Variants in CAT observed in about 807,000 individuals in gnomAD.
The protein encoded by CAT is catalase.
A neutral mutation model predicts 59.0 loss-of-function variants in CAT; 43 were observed. The observed-to-expected ratio is 0.73, with a 90% CI of 0.57 to 0.94. The LOEUF (loss-of-function observed/expected upper bound fraction) is 0.94. Among genes scored for constraint, CAT ranks in the 40% least tolerant of loss-of-function variants. CAT has a pLI of 0.00. For synonymous variants in CAT, 218 were observed against 230.9 expected (o/e 0.94, Z 0.51); for missense variants, 664 against 682.9 (o/e 0.97, Z 0.31).
chr11:34,452,450 C>T (rs945180267), intron 4 of CAT, among the ~76,000 whole-genome samples: 6 of 152,024 alleles, frequency 3.9e-5, no homozygotes, highest in Admixed American at 3.3e-4. Context: ...GTTTTCCTTG[C>T]AGAGCATCGA....
intron 11 of CAT, among the ~76,000 whole-genome samples, chr11:34,469,650 C>T (rs1856753898): frequency 6.6e-6 from 1 of 151,564 alleles, no homozygotes; most frequent in South Asian, 2.1e-4. Context: ...CTCACAGCAT[C>T]CTGTGAGGTA....
intron 1 of CAT, among the ~76,000 whole-genome samples, chr11:34,441,019 T>C (rs1320926712): frequency 2.0e-5 from 3 of 152,182 alleles, no homozygotes; most frequent in Non-Finnish European, 4.4e-5. Flanking sequence ...TTAATTGAAA[T>C]ACAGCCATCC....
At chr11:34,462,893 A>G (rs1301998220) in intron 9 of CAT, among the ~76,000 whole-genome samples, 1 of 152,228 alleles carries the variant, frequency 6.6e-6, no homozygotes, top group Non-Finnish European at 1.5e-5. Flanking sequence ...TTCTTAATGA[A>G]GAAAACACTG....
At chr11:34,456,521 C>T in intron 7 of CAT, 144 bp from the exon 8 acceptor site, 1 of 807,030 alleles carries the variant, frequency 1.2e-6, no homozygotes, top group Non-Finnish European at 2.1e-6. Context: ...TTAACTAAGG[C>T]ACTCATCTTA....
At chr11:34,454,031 A>T in intron 6 of CAT, 105 bp downstream of exon 6, 1 of 1,220,222 alleles carries the variant, frequency 8.2e-7, no homozygotes, top group Non-Finnish European at 1.2e-6. Flanking sequence ...CTTTTCCCTC[A>T]CCTCCATCCC....
At chr11:34,453,710 G>T in intron 5 of CAT, 91 bp from the exon 6 acceptor site, 1 of 1,217,594 alleles carries the variant, frequency 8.2e-7, no homozygotes. Flanking sequence ...ATGTCATTAA[G>T]GGACTTTCTG....
chr11:34,439,086 T>G lies in CAT; in HGVS notation c.66+7T>G. On this transcript the variant is annotated splice_region_variant and intron_variant, in intron 1 of 12. Coordinates refer to ENST00000241052, the MANE Select transcript of CAT (RefSeq NM_001752.4). ...GGAGCAGCGGGCCGCGCAGGTACAC[T>G]CTGTGCTCCCCGAGCGGGCCCGAAG... 1 of 1,582,876 alleles carries G rather than the reference T, an allele frequency of 6.3e-7. No homozygotes were observed. The highest frequency in any genetic ancestry group is 8.6e-7 in the Non-Finnish European group (1 of 1,164,422).
chr11:34,461,974 A>G (rs552946438), intron 9 of CAT, among the ~76,000 whole-genome samples: 1 of 152,370 alleles, frequency 6.6e-6, no homozygotes, highest in South Asian at 2.1e-4. Flanking sequence ...GAATAAAGTT[A>G]GGTGAATCAA....
At chr11:34,462,448 CAG>C (rs1856662375) in intron 9 of CAT, among the ~76,000 whole-genome samples, 1 of 152,232 alleles carries the variant, frequency 6.6e-6, no homozygotes, top group East Asian at 1.9e-4. Flanking sequence ...ATTTTTTAGA[CAG>C]AGTCTCACTC....
At chr11:34,452,606 C>T (rs567495815) in intron 4 of CAT, among the ~76,000 whole-genome samples, 204 of 152,152 alleles carry the variant, frequency 1.3e-3, no homozygotes, top group Non-Finnish European at 2.5e-3. Flanking sequence ...TAAATCCCAG[C>T]ACTTTGGGAG....
At position 34,467,119 on chromosome 11, in the gene CAT, T is replaced by C. The variant is rs375162361; in HGVS notation, c.1327-1169T>C. ...TTGGAAAGAGGCTTTAAAATAAACA[T>C]ACATATTTAAAGAGATGCAAAAAAG... On this transcript the variant is annotated intron_variant, in intron 10 of 12. Coordinates refer to ENST00000241052, the MANE Select transcript of CAT (RefSeq NM_001752.4). 2.0e-5 allele frequency among the ~76,000 whole-genome samples: 3 copies of C among 152,216 alleles called. No individual in the cohort carries two copies. The South Asian group carries it at 6.2e-4, about 32-fold the overall frequency.
intron 1 of CAT, among the ~76,000 whole-genome samples, chr11:34,445,327 T>G (rs937019595): frequency 5.3e-5 from 8 of 151,426 alleles, no homozygotes; most frequent in African/African-American, 1.9e-4. Context: ...ACCCTGTCTT[T>G]ACTAAAAATA....
chr11:34,461,480 C>A (rs1336134719), intron 9 of CAT, 91 bp downstream of exon 9: 10 of 1,445,476 alleles, frequency 6.9e-6, no homozygotes, highest in African/African-American at 1.4e-5. Flanking sequence ...CTCAAGCTGG[C>A]CCCGCAGGAC....
At position 34,471,561 on chromosome 11, in the gene CAT, C is replaced by G; in HGVS notation, c.*128C>G. On this transcript the variant is annotated 3_prime_UTR_variant, in exon 13 of 13. Transcript: ENST00000241052. ...AGTGGCTTCAAAATAGAGAATCCCACTTTCTATAGCAGATTGTGTAACAAT... is the reference window on the plus strand; with the variant it reads ...AGTGGCTTCAAAATAGAGAATCCCAGTTTCTATAGCAGATTGTGTAACAAT... 2 of 761,726 alleles carry G rather than the reference C, an allele frequency of 2.6e-6. No individual in the cohort carries two copies. The highest frequency in any genetic ancestry group is 2.8e-5 in the South Asian group (2 of 71,256). 47.2% of individuals were successfully genotyped at this position (761,726 alleles called of 1,614,324 possible). A position where few individuals can be genotyped will look rare whatever the true frequency, so the allele number is the denominator to read the frequency against.
chr11:34,451,034 C>G lies in CAT; in HGVS notation c.285C>G (p.Ser95=), dbSNP rs762410549. Residue 95 remains serine (S), a synonymous_variant, in exon 3 of 13, where the codon TCC becomes TCG. Transcript: ENST00000241052. ...FEVTHDITKY[S]KAKVFEHIGK... is the part of the protein sequence containing the mutation. ...TCACACATGACATTACCAAATACTC[C>G]AAGGCAAAGGTATTTGAGCATATTG... 1.2e-6 allele frequency: 2 copies of G among 1,613,786 alleles called. No homozygotes were observed. The highest frequency in any genetic ancestry group is 1.7e-6 in the Non-Finnish European group (2 of 1,179,692).
intron 7 of CAT, 26 bp downstream of exon 7, chr11:34,456,228 T>A: frequency 6.3e-7 from 1 of 1,579,714 alleles, no homozygotes; most frequent in African/African-American, 1.3e-5. Flanking sequence ...ACTATATTGT[T>A]TTCTTTTTTA....
chr11:34,456,598 T>A (rs1856592367), intron 7 of CAT, 67 bp from the exon 8 acceptor site: 6 of 1,433,974 alleles, frequency 4.2e-6, no homozygotes, highest in Non-Finnish European at 5.9e-6. Flanking sequence ...AATCTGGTAT[T>A]TTTGTGGGTA....
At chr11:34,446,238 G>A (rs1856453029) in intron 1 of CAT, among the ~76,000 whole-genome samples, 1 of 152,066 alleles carries the variant, frequency 6.6e-6, no homozygotes, top group Non-Finnish European at 1.5e-5. Flanking sequence ...TGCCCCACTG[G>A]CTTTGAAGGT....
At position 34,464,242 on chromosome 11, in the gene CAT, A is replaced by C. The variant is rs1294460063; in HGVS notation, c.1326+7A>C. On this transcript the variant is annotated splice_region_variant and intron_variant, in intron 10 of 12. Coordinates refer to ENST00000241052, the MANE Select transcript of CAT (RefSeq NM_001752.4). Reference sequence around the variant, plus strand: ...TGATGATAACGTTACTCAGGTAATGACTTCTCTTTATCTGCTATGGAAGTC... The same window carrying C: ...TGATGATAACGTTACTCAGGTAATGCCTTCTCTTTATCTGCTATGGAAGTC... 4 of 1,613,796 alleles carry C rather than the reference A, an allele frequency of 2.5e-6. No individual in the cohort carries two copies. The highest frequency in any genetic ancestry group is 1.7e-5 in the Admixed American group (1 of 60,008).
Sources: allele counts gnomAD v4.1 joint callset (sites outside exome capture counted in the v4.1 genomes callset), GRCh38; gene constraint gnomAD v4.1.1; transcripts MANE v1.5; gene names NCBI Gene and HGNC (gene_info 2026-07-23, HGNC 2026-07-21).